ROBO2: variants seen among roughly 807,000 people sequenced by gnomAD.
The protein encoded by ROBO2 is roundabout guidance receptor 2, also known as roundabout homolog 2.
Under a neutral mutation model 160.8 loss-of-function variants are expected in ROBO2, and 53 were observed. That is an observed-to-expected ratio of 0.33 (90% confidence interval 0.26 to 0.41). The LOEUF is 0.41. ROBO2 is among the 10% of genes least tolerant of loss of function. ROBO2 has a pLI of 1.00. For synonymous variants in ROBO2, 664 were observed against 611.7 expected, an observed-to-expected ratio of 1.09 and a Z score of -1.26; for missense variants, 1,577 against 1,722.4, an observed-to-expected ratio of 0.92 and a Z score of 1.49.
intron 2 of ROBO2, among the ~76,000 whole-genome samples, chr3:76,412,541 C>T (rs193195472): frequency 9.2e-5 from 14 of 152,286 alleles, no homozygotes; most frequent in African/African-American, 2.6e-4. Context: ...GCACAGGTAT[C>T]GGGTAAATAC....
intron 2 of ROBO2, among the ~76,000 whole-genome samples, chr3:77,165,083 G>A (rs1480526994): frequency 1.3e-5 from 2 of 152,150 alleles, no homozygotes; most frequent in South Asian, 2.1e-4. Context: ...CATTGAGAAC[G>A]GGCCAGGATG....
intron 2 of ROBO2, among the ~76,000 whole-genome samples, chr3:76,944,253 A>C (rs2078376493): frequency 6.6e-6 from 1 of 152,176 alleles, no homozygotes; most frequent in South Asian, 2.1e-4. Context: ...GCAAGTTATC[A>C]CAAATTTTTC....
chr3:76,120,553 ATACT>A (rs1334973678), intron 2 of ROBO2, among the ~76,000 whole-genome samples: 1 of 152,118 alleles, frequency 6.6e-6, no homozygotes. Context: ...CTCATTTGAG[ATACT>A]TAGTTTAATC....
intron 2 of ROBO2, among the ~76,000 whole-genome samples, chr3:76,309,343 A>T (rs1232045201): frequency 6.6e-6 from 1 of 152,222 alleles, no homozygotes; most frequent in East Asian, 1.9e-4. Context: ...AAATGGGCAT[A>T]AGTTTTTCCT....
chr3:76,453,602 A>T (rs1256593381), intron 2 of ROBO2, among the ~76,000 whole-genome samples: 1 of 152,176 alleles, frequency 6.6e-6, no homozygotes, highest in Non-Finnish European at 1.5e-5. Flanking sequence ...GTTTGAAGTC[A>T]GGTAGCGTGA....
intron 2 of ROBO2, among the ~76,000 whole-genome samples, chr3:76,810,498 C>T (rs2065077177): frequency 6.6e-6 from 1 of 151,992 alleles, no homozygotes; most frequent in Non-Finnish European, 1.5e-5. Context: ...ATTTAGGTGT[C>T]ATTTGGGTAG....
intron 2 of ROBO2, among the ~76,000 whole-genome samples, chr3:76,660,593 T>C (rs1480635312): frequency 6.6e-6 from 1 of 152,204 alleles, no homozygotes; most frequent in African/African-American, 2.4e-5. Flanking sequence ...AAGCAAGACC[T>C]ATAGAAGCTG....
chr3:76,020,228 A>AT (rs1033418402), intron 2 of ROBO2, among the ~76,000 whole-genome samples: 2 of 151,702 alleles, frequency 1.3e-5, no homozygotes, highest in African/African-American at 4.8e-5. Flanking sequence ...AAACTGCCTA[A>AT]TTTTTTTATC....
chr3:76,567,650 T>C lies in ROBO2; in HGVS notation c.110-530364T>C, dbSNP rs1006227718. ...ATATATATATATATATATATATATA[T>C]ATACACATACACATATATATACATA... On this transcript the variant is annotated intron_variant, in intron 2 of 26. Transcript: ENST00000487694. Among the ~76,000 whole-genome samples, 479 of 87,182 alleles carry C rather than the reference T, an allele frequency of 5.5e-3. 11 individuals are homozygous for C. Among genetic ancestry groups the C allele is most frequent in the African/African-American group, 6.9e-3 (144 of 21,020 alleles). The allele number at this position is 87,182 out of a possible 152,430, so 57.2% of individuals were successfully genotyped here.
rs141488715 is a variant in ROBO2 at position 76,738,625 on chromosome 3, C to T, written c.110-359389C>T. ...TACATGAATAGAGAAAATTGCTCTT[C>T]GAACACGGTAAGATGGAAGTCATTG... On this transcript the variant is annotated intron_variant, in intron 2 of 26. Transcript: ENST00000487694. 6.5e-3 allele frequency among the ~76,000 whole-genome samples: 995 copies of T among 152,154 alleles called. 6 individuals are homozygous for T. The highest frequency in any genetic ancestry group is 0.024 in the Middle Eastern group (7 of 294).
chr3:76,578,087 A>G (rs1471826374), intron 2 of ROBO2, among the ~76,000 whole-genome samples: 1 of 152,162 alleles, frequency 6.6e-6, no homozygotes, highest in African/African-American at 2.4e-5. Context: ...TGACTGTGTC[A>G]CTTACCAGCT....
intron 2 of ROBO2, among the ~76,000 whole-genome samples, chr3:76,887,586 G>C (rs1010889393): frequency 6.6e-6 from 1 of 152,000 alleles, no homozygotes; most frequent in Admixed American, 6.6e-5. Context: ...TTATTAAATA[G>C]AGATTCCTAG....
intron 2 of ROBO2, among the ~76,000 whole-genome samples, chr3:76,152,266 C>T (rs1317427835): frequency 6.6e-6 from 1 of 152,088 alleles, no homozygotes; most frequent in Non-Finnish European, 1.5e-5. Context: ...ATTTCATTAA[C>T]TTGTGGGTTA....
intron 2 of ROBO2, among the ~76,000 whole-genome samples, chr3:76,902,178 G>A (rs1188674398): frequency 6.6e-6 from 1 of 151,798 alleles, no homozygotes; most frequent in Non-Finnish European, 1.5e-5. Context: ...AACATTATTG[G>A]TGGACATTTC....
intron 2 of ROBO2, among the ~76,000 whole-genome samples, chr3:76,478,019 T>TTTA (rs147308707): frequency 0.079 from 11,705 of 148,936 alleles, 1,047 homozygotes; most frequent in African/African-American, 0.22. Flanking sequence ...CCGCTACTTC[T>TTTA]TTATTATTAT....
intron 2 of ROBO2, among the ~76,000 whole-genome samples, chr3:77,341,819 A>T: frequency 6.6e-6 from 1 of 151,874 alleles, no homozygotes; most frequent in Non-Finnish European, 1.5e-5. Flanking sequence ...ATGAGTGGTT[A>T]TATGCATATT....
intron 2 of ROBO2, among the ~76,000 whole-genome samples, chr3:75,967,257 A>G (rs1949148045): frequency 6.6e-6 from 1 of 151,612 alleles, no homozygotes; most frequent in African/African-American, 2.4e-5. Context: ...AATTTGAGAT[A>G]GTTCATATCC....
chr3:77,146,447 T>A (rs556848657), intron 2 of ROBO2, among the ~76,000 whole-genome samples: 1 of 152,148 alleles, frequency 6.6e-6, no homozygotes, highest in Non-Finnish European at 1.5e-5. Context: ...TAAAGTTGAA[T>A]GGGGTGGGTG....
At chr3:76,158,445 C>T (rs1322097800) in intron 2 of ROBO2, among the ~76,000 whole-genome samples, 4 of 130,076 alleles carry the variant, frequency 3.1e-5, no homozygotes, top group Non-Finnish European at 7.0e-5. Context: ...GATACTATAC[C>T]CCTAAAAAAA....
Sources: allele counts gnomAD v4.1 joint callset (sites outside exome capture counted in the v4.1 genomes callset), GRCh38; gene constraint gnomAD v4.1.1; transcripts MANE v1.5; gene names NCBI Gene and HGNC (gene_info 2026-07-23, HGNC 2026-07-21).